Variants in NLGN1 observed in about 807,000 individuals in gnomAD.
NLGN1 encodes neuroligin-1.
NLGN1 carries 12 observed loss-of-function variants against 65.5 expected under a neutral mutation model. The observed-to-expected ratio is 0.18, with a 90% CI of 0.12 to 0.30. NLGN1 has a LOEUF of 0.30. Ranked by LOEUF, NLGN1 falls within the 10% of genes least tolerant of loss-of-function variation. The probability of loss-of-function intolerance (pLI) is 1.00; values close to 1 mark genes in which losing one functional copy is unlikely to be tolerated. For missense variants in NLGN1, 750 were observed against 1,007.1 expected, an observed-to-expected ratio of 0.74 and a Z score of 3.46; for synonymous variants, 350 against 359.5, an observed-to-expected ratio of 0.97 and a Z score of 0.30.
At chr3:173,966,874 C>G (rs1714990717) in intron 4 of NLGN1, among the ~76,000 whole-genome samples, 1 of 152,122 alleles carries the variant, frequency 6.6e-6, no homozygotes, top group African/African-American at 2.4e-5. Context: ...CACCCTATGA[C>G]ATGAACCAAG....
chr3:173,818,993 A>T, intron 4 of NLGN1, among the ~76,000 whole-genome samples: 1 of 136,478 alleles, frequency 7.3e-6, no homozygotes, highest in Admixed American at 8.1e-5. Flanking sequence ...ACTTTTACTG[A>T]TTTGCCTTTA....
At chr3:173,662,449 T>A (rs912603775) in intron 3 of NLGN1, among the ~76,000 whole-genome samples, 5 of 152,050 alleles carry the variant, frequency 3.3e-5, no homozygotes, top group African/African-American at 1.2e-4. Context: ...TGTTCATCTA[T>A]GTTTAATTTC....
At chr3:174,225,956 A>G (rs975678470) in intron 4 of NLGN1, among the ~76,000 whole-genome samples, 6 of 152,274 alleles carry the variant, frequency 3.9e-5, no homozygotes, top group Middle Eastern at 6.8e-3. Context: ...ATCTAGTAAA[A>G]TAGCAGAAAG....
At position 174,105,627 on chromosome 3, in the gene NLGN1, C is replaced by G. The variant is rs76434698; in HGVS notation, c.647-169688C>G. Among the ~76,000 whole-genome samples, 1,383 of 144,966 alleles carry G rather than the reference C, an allele frequency of 9.5e-3. 7 individuals are homozygous for G. Among genetic ancestry groups the G allele is most frequent in the Middle Eastern group, 0.032 (9 of 278 alleles). On this transcript the variant is annotated intron_variant, in intron 4 of 6. Coordinates refer to ENST00000457714, the Ensembl canonical transcript of NLGN1. The stretch of plus-strand genomic sequence containing the variant: ...TCAGTGACACCAGATCATGTTTATT[C>G]AGGACAATTGTCTTCACCATACTGA...
intron 2 of NLGN1, among the ~76,000 whole-genome samples, chr3:173,517,750 T>TTATCTATCTATCTATCTATCTATC (rs368708618): frequency 6.8e-6 from 1 of 147,132 alleles, no homozygotes; most frequent in African/African-American, 2.5e-5. Context: ...TTTCGCAAAT[T>TTATCTATCTATCTATCTATCTATC]TATCTATCTA....
chr3:174,140,884 T>C (rs1401947768), intron 4 of NLGN1, among the ~76,000 whole-genome samples: 1 of 152,134 alleles, frequency 6.6e-6, no homozygotes, highest in Non-Finnish European at 1.5e-5. Flanking sequence ...AACTCTATGA[T>C]TGGGAAAAAT....
At chr3:173,474,350 T>C (rs1037377525) in intron 2 of NLGN1, among the ~76,000 whole-genome samples, 4 of 152,136 alleles carry the variant, frequency 2.6e-5, no homozygotes, top group African/African-American at 9.7e-5. Context: ...AATTCACAGA[T>C]TGGAAAAGTG....
intron 4 of NLGN1, among the ~76,000 whole-genome samples, chr3:174,061,072 T>C (rs888228423): frequency 7.2e-5 from 11 of 152,138 alleles, no homozygotes; most frequent in Non-Finnish European, 1.6e-4. Context: ...ATATCTATTC[T>C]GGTGGTGTTT....
At chr3:173,836,727 G>A (rs1156685164) in intron 4 of NLGN1, among the ~76,000 whole-genome samples, 1 of 152,040 alleles carries the variant, frequency 6.6e-6, no homozygotes, top group Non-Finnish European at 1.5e-5. Context: ...ATATTTTTCA[G>A]ATGCCCATCA....
intron 4 of NLGN1, among the ~76,000 whole-genome samples, chr3:174,203,154 A>C (rs1205250137): frequency 6.6e-6 from 1 of 152,148 alleles, no homozygotes; most frequent in Non-Finnish European, 1.5e-5. Context: ...ATTTCTACCC[A>C]TCAGCTCACA....
chr3:173,833,897 CTG>C (rs1486833776), intron 4 of NLGN1, among the ~76,000 whole-genome samples: 1 of 152,068 alleles, frequency 6.6e-6, no homozygotes, highest in East Asian at 1.9e-4. Context: ...CTTCAAGATT[CTG>C]TGTCTTGTTT....
intron 4 of NLGN1, among the ~76,000 whole-genome samples, chr3:174,222,180 G>C (rs564484642): frequency 6.6e-6 from 1 of 152,038 alleles, no homozygotes; most frequent in East Asian, 1.9e-4. Flanking sequence ...CTATTAATGA[G>C]TTATTGCGTG....
rs78597994 is a variant in NLGN1, at chr3:173,528,051, A to G, written c.-320-76228A>G. On this transcript the variant is annotated intron_variant, in intron 2 of 6. Coordinates refer to ENST00000457714, the Ensembl canonical transcript of NLGN1. ...GTGTAATTGCTTTATAGGGTCTTCTATGAGCTTTGTACTTAACATGTCCTT... is the reference window on the plus strand; with the variant it reads ...GTGTAATTGCTTTATAGGGTCTTCTGTGAGCTTTGTACTTAACATGTCCTT... Among the ~76,000 whole-genome samples, 80 of 152,348 alleles carry G rather than the reference A, an allele frequency of 5.3e-4. No individual in the cohort carries two copies. In the East Asian group the frequency reaches 0.013, roughly 25 times the overall value.
intron 4 of NLGN1, among the ~76,000 whole-genome samples, chr3:174,244,799 A>G (rs950103378): frequency 2.0e-5 from 3 of 152,198 alleles, no homozygotes; most frequent in African/African-American, 7.2e-5. Context: ...AGCACTCCAG[A>G]GGCCGCCTTT....
intron 4 of NLGN1, among the ~76,000 whole-genome samples, chr3:174,121,980 G>A (rs1262169594): frequency 2.6e-5 from 4 of 151,972 alleles, no homozygotes; most frequent in Admixed American, 1.3e-4. Flanking sequence ...TTACACCCAC[G>A]CTCTCCTCCA....
intron 2 of NLGN1, among the ~76,000 whole-genome samples, chr3:173,448,355 G>T (rs1720789191): frequency 6.6e-6 from 1 of 152,120 alleles, no homozygotes; most frequent in Non-Finnish European, 1.5e-5. Flanking sequence ...TTTATATGCT[G>T]GATTACGTTT....
At chr3:173,904,424 T>G (rs1439200875) in intron 4 of NLGN1, among the ~76,000 whole-genome samples, 1 of 152,086 alleles carries the variant, frequency 6.6e-6, no homozygotes, top group African/African-American at 2.4e-5. Flanking sequence ...CTTCTTAACT[T>G]TCACCTCTTT....
chr3:173,648,864 C>G (rs1468215962), intron 3 of NLGN1, among the ~76,000 whole-genome samples: 1 of 152,088 alleles, frequency 6.6e-6, no homozygotes, highest in East Asian at 1.9e-4. Context: ...CATGAGCCAC[C>G]ACGCTCAGCC....
intron 3 of NLGN1, among the ~76,000 whole-genome samples, chr3:173,607,018 T>A (rs1158844484): frequency 1.3e-5 from 2 of 151,900 alleles, no homozygotes; most frequent in Non-Finnish European, 2.9e-5. Flanking sequence ...CACAAAGTCA[T>A]AAATAAAGAT....
Sources: allele counts gnomAD v4.1 joint callset (sites outside exome capture counted in the v4.1 genomes callset), GRCh38; gene constraint gnomAD v4.1.1; transcripts MANE v1.5; gene names NCBI Gene and HGNC (gene_info 2026-07-23, HGNC 2026-07-21).